The following ENOX2 variants were observed in gnomAD, a reference collection of about 807,000 sequenced individuals.
ENOX2 encodes ecto-NOX disulfide-thiol exchanger 2.
In ENOX2, 36 loss-of-function variants were observed where a neutral mutation model predicts 45.0. The ratio of observed to expected loss-of-function variants is 0.80; its 90% CI spans 0.61 to 1.06. The LOEUF (loss-of-function observed/expected upper bound fraction) is 1.06, where lower values mean the gene tolerates loss of function less well. Ranked by LOEUF, ENOX2 falls within the 50% of genes least tolerant of loss-of-function variation. The probability of loss-of-function intolerance (pLI) is 0.00; values close to 1 mark genes in which losing one functional copy is unlikely to be tolerated. For synonymous variants in ENOX2, 174 were observed against 152.3 expected (o/e 1.14, Z -1.05); for missense variants, 423 against 462.5 (o/e 0.91, Z 0.78).
At chrX:130,778,580 CAT>C (rs1189670628) in intron 3 of ENOX2, among the ~76,000 whole-genome samples, 1 of 111,885 alleles carries the variant, frequency 8.9e-6, no homozygotes, top group Non-Finnish European at 1.9e-5. Context: ...ATTAGCACCT[CAT>C]GTGTAAAACG....
At chrX:130,843,049 C>T (rs2148505200) in intron 2 of ENOX2, among the ~76,000 whole-genome samples, 1 of 111,189 alleles carries the variant, frequency 9.0e-6, no homozygotes, top group African/African-American at 3.3e-5. Flanking sequence ...TCTAGGTGGC[C>T]CCGCAACTTC....
At position 130,901,673 on chromosome X, in the gene ENOX2, C is replaced by T. The variant is rs772569371; in HGVS notation, c.-183+11G>A. On this transcript the variant is annotated intron_variant, in intron 2 of 14. Transcript: ENST00000394363. ...CTTCTTCTTGGATTTAAACTCACAC[C>T]TGGAACATACCATCACACTTCTTTG... The T allele has an allele frequency of 3.6e-5, 4 of 112,388 alleles. No homozygotes were observed. In the South Asian group the frequency reaches 1.1e-3, roughly 31 times the overall value. The allele number at this position is 112,388 out of a possible 1,213,427, so 9.3% of individuals were successfully genotyped here.
intron 3 of ENOX2, among the ~76,000 whole-genome samples, chrX:130,739,992 T>C (rs761302927): frequency 1.2e-4 from 13 of 112,262 alleles, no homozygotes; most frequent in Admixed American, 1.1e-3. Flanking sequence ...ATGAATTCAA[T>C]TGATCATTAT....
At chrX:130,629,125 T>C (rs1327603286) in intron 13 of ENOX2, among the ~76,000 whole-genome samples, 1 of 112,212 alleles carries the variant, frequency 8.9e-6, no homozygotes. Flanking sequence ...CAGAAGGAAC[T>C]GAGGGCAGGG....
intron 2 of ENOX2, among the ~76,000 whole-genome samples, chrX:130,810,968 A>G (rs991665056): frequency 7.2e-5 from 8 of 111,500 alleles, no homozygotes; most frequent in African/African-American, 2.6e-4. Flanking sequence ...TCTGTTACCC[A>G]AGGCTTCAGC....
chrX:130,728,941 A>G (rs2038670551), intron 3 of ENOX2, among the ~76,000 whole-genome samples: 1 of 111,708 alleles, frequency 9.0e-6, no homozygotes, highest in South Asian at 3.8e-4. Context: ...AGGAGGAAAG[A>G]ACCTGTTAGA....
chrX:130,854,562 T>C lies in ENOX2; in HGVS notation c.-183+47122A>G, dbSNP rs887220169. ...ATCCAAAAGCTGAACTAACCCCAAA[T>C]AGGACACACACACACAAATCTGCAC... On this transcript the variant is annotated intron_variant, in intron 2 of 14. Transcript: ENST00000394363. 7.2e-5 allele frequency among the ~76,000 whole-genome samples: 8 copies of C among 110,621 alleles called. No individual in the cohort carries two copies. In the Admixed American group the frequency reaches 7.7e-4, roughly 11 times the overall value.
intron 3 of ENOX2, among the ~76,000 whole-genome samples, chrX:130,716,131 A>G (rs1027693079): frequency 9.0e-6 from 1 of 111,676 alleles, no homozygotes; most frequent in African/African-American, 3.3e-5. Flanking sequence ...TGTGATTAAA[A>G]GTCATGGCAA....
chrX:130,661,471 G>A (rs1008398683), intron 9 of ENOX2, among the ~76,000 whole-genome samples: 1 of 111,666 alleles, frequency 9.0e-6, no homozygotes, highest in Non-Finnish European at 1.9e-5. Context: ...TTACAGGCAT[G>A]AGCCACCATG....
intron 2 of ENOX2, among the ~76,000 whole-genome samples, chrX:130,832,981 G>A (rs1048544149): frequency 3.9e-5 from 4 of 103,650 alleles, no homozygotes; most frequent in South Asian, 4.5e-4. Context: ...TTTTAATAAC[G>A]TCATCTGAAG....
chrX:130,667,337 T>C (rs1199488656), intron 8 of ENOX2, among the ~76,000 whole-genome samples, 193 bp downstream of exon 8: 1 of 111,640 alleles, frequency 9.0e-6, no homozygotes, highest in Non-Finnish European at 1.9e-5. Flanking sequence ...AAAATGAAGC[T>C]AGCAGGTGCG....
At chrX:130,871,660 T>G (rs1305623326) in intron 2 of ENOX2, among the ~76,000 whole-genome samples, 1 of 111,183 alleles carries the variant, frequency 9.0e-6, no homozygotes, top group African/African-American at 3.3e-5. Flanking sequence ...TATGTGCCTT[T>G]ATCCTATCCC....
intron 3 of ENOX2, among the ~76,000 whole-genome samples, chrX:130,730,983 C>T (rs1202077108): frequency 1.8e-5 from 2 of 110,975 alleles, no homozygotes; most frequent in Non-Finnish European, 3.8e-5. Flanking sequence ...CCAACCCCTA[C>T]TACTGTCATG....
chrX:130,635,209 A>C lies in ENOX2; in HGVS notation c.1312-118T>G, dbSNP rs2035902141. The C allele has an allele frequency of 1.0e-5, 4 of 399,001 alleles. No homozygotes were observed. In the South Asian group the frequency reaches 2.2e-4, roughly 22 times the overall value. 32.9% of individuals were successfully genotyped at this position (399,001 alleles called of 1,213,427 possible). On this transcript the variant is annotated intron_variant, in intron 11 of 14. Transcript: ENST00000394363. ...GCCTCACTTTCCTCCAGCACACACG[A>C]CCATTTTTCCATAAAGAGATTGGGC...
At chrX:130,700,073 A>C (rs1017655764) in intron 4 of ENOX2, among the ~76,000 whole-genome samples, 2 of 112,254 alleles carry the variant, frequency 1.8e-5, no homozygotes, top group African/African-American at 6.5e-5. Context: ...AAACTGAGGC[A>C]TAGAGAAGTG....
chrX:130,734,121 A>T (rs2038805723), intron 3 of ENOX2, among the ~76,000 whole-genome samples: 1 of 112,337 alleles, frequency 8.9e-6, no homozygotes, highest in Admixed American at 9.4e-5. Flanking sequence ...TACTGCAGAG[A>T]TCCCTCTGGT....
chrX:130,641,212 G>C, intron 10 of ENOX2, among the ~76,000 whole-genome samples: 1 of 111,623 alleles, frequency 9.0e-6, no homozygotes, highest in Non-Finnish European at 1.9e-5. Context: ...AATCTTGAAA[G>C]AAACCACAAG....
rs1295710331 is a variant in ENOX2 at position 130,696,613 on chromosome X, G to C, written c.97+6507C>G. On this transcript the variant is annotated intron_variant, in intron 4 of 14. Transcript: ENST00000394363. ...TCATGACAAATTTACTGCATTTTTA[G>C]TTTTTACATTTTGCCATAAACGGGT... Among the ~76,000 whole-genome samples, 3 of 112,055 alleles carry C rather than the reference G, an allele frequency of 2.7e-5. No individual in the cohort carries two copies. In the East Asian group the frequency reaches 8.4e-4, roughly 31 times the overall value.
intron 2 of ENOX2, among the ~76,000 whole-genome samples, chrX:130,887,639 T>C (rs1288537330): frequency 9.0e-6 from 1 of 111,308 alleles, no homozygotes; most frequent in African/African-American, 3.3e-5. Context: ...TAGGCTGAAT[T>C]GGGAGTGGAG....
Sources: allele counts gnomAD v4.1 joint callset (sites outside exome capture counted in the v4.1 genomes callset), GRCh38; gene constraint gnomAD v4.1.1; transcripts MANE v1.5; gene names NCBI Gene and HGNC (gene_info 2026-07-23, HGNC 2026-07-21).